Variants in TANC2 observed in about 807,000 individuals in gnomAD.
TANC2 encodes the protein protein TANC2.
TANC2 carries 26 observed loss-of-function variants against 210.5 expected under a neutral mutation model. The observed-to-expected ratio is 0.12, with a 90% CI of 0.09 to 0.17. The LOEUF (loss-of-function observed/expected upper bound fraction) is 0.17. TANC2 is among the 10% of genes least tolerant of loss of function. The pLI, the probability that TANC2 is intolerant of heterozygous loss-of-function variation, is 1.00. For missense variants in TANC2, 2,129 were observed against 2,608.9 expected (o/e 0.82, Z 4.01); for synonymous variants, 931 against 967.1 (o/e 0.96, Z 0.69).
At chr17:63,113,185 G>A (rs1477545454) in intron 4 of TANC2, among the ~76,000 whole-genome samples, 1 of 152,114 alleles carries the variant, frequency 6.6e-6, no homozygotes, top group African/African-American at 2.4e-5. Context: ...TATAGTATGG[G>A]ATAATATAAA....
chr17:63,341,749 A>G (rs1170227510), intron 12 of TANC2, among the ~76,000 whole-genome samples: 6 of 152,226 alleles, frequency 3.9e-5, no homozygotes, highest in African/African-American at 1.4e-4. Flanking sequence ...TCTTCCAGAT[A>G]AAGTTTTATA....
intron 14 of TANC2, among the ~76,000 whole-genome samples, chr17:63,358,743 C>T (rs1038518712): frequency 1.3e-5 from 2 of 152,132 alleles, no homozygotes; most frequent in Non-Finnish European, 2.9e-5. Context: ...AAGTAGTCAT[C>T]GGCCTTTGTT....
intron 8 of TANC2, among the ~76,000 whole-genome samples, chr17:63,241,909 A>G (rs1299782482): frequency 1.3e-5 from 2 of 152,142 alleles, no homozygotes; most frequent in Admixed American, 6.5e-5. Flanking sequence ...AAGAGACAAA[A>G]AAGCTGAAAT....
chr17:63,017,869 C>T (rs546238223), intron 2 of TANC2, among the ~76,000 whole-genome samples: 17 of 152,202 alleles, frequency 1.1e-4, no homozygotes, highest in African/African-American at 3.1e-4. Flanking sequence ...CAGCAGGGCG[C>T]GGTGACTCAC....
At chr17:63,425,445 T>G (rs748914710) in exon 28 of TANC2, 2 of 152,256 alleles carry the variant, frequency 1.3e-5, no homozygotes, top group Non-Finnish European at 2.9e-5. Flanking sequence ...ATTCCAGAGA[T>G]GTACCCAATA....
intron 17 of TANC2, among the ~76,000 whole-genome samples, chr17:63,392,501 G>A (rs1413249154): frequency 6.6e-6 from 1 of 152,116 alleles, no homozygotes; most frequent in Non-Finnish European, 1.5e-5. Flanking sequence ...AAAAGAGCTT[G>A]AGAAGCTACT....
At chr17:63,360,412 G>A (rs1406169586) in intron 14 of TANC2, among the ~76,000 whole-genome samples, 1 of 152,120 alleles carries the variant, frequency 6.6e-6, no homozygotes, top group African/African-American at 2.4e-5. Context: ...ACCCTTAGGA[G>A]GCTTGGAAGA....
intron 11 of TANC2, among the ~76,000 whole-genome samples, chr17:63,325,328 A>G (rs1432471740): frequency 1.3e-5 from 2 of 152,228 alleles, no homozygotes; most frequent in Non-Finnish European, 2.9e-5. Context: ...GTTCCTTGAA[A>G]GTAAAAAGCT....
At chr17:62,972,345 G>A (rs1270570861) in intron 1 of TANC2, among the ~76,000 whole-genome samples, 2 of 152,108 alleles carry the variant, frequency 1.3e-5, no homozygotes, top group African/African-American at 4.8e-5. Flanking sequence ...TTGTGTTAGT[G>A]TTCTATTATG....
chr17:63,325,312 A>AT (rs1408633999), intron 11 of TANC2, among the ~76,000 whole-genome samples: 3 of 152,190 alleles, frequency 2.0e-5, no homozygotes, highest in Non-Finnish European at 4.4e-5. Flanking sequence ...ACTAAAATTG[A>AT]TTTCAGTTCC....
At chr17:63,186,746 C>T (rs1289742018) in intron 5 of TANC2, among the ~76,000 whole-genome samples, 1 of 152,184 alleles carries the variant, frequency 6.6e-6, no homozygotes, top group Non-Finnish European at 1.5e-5. Context: ...TATTCCTCAA[C>T]CAGATTTCTG....
chr17:63,017,541 A>T (rs1163754465), intron 2 of TANC2, among the ~76,000 whole-genome samples: 1 of 152,104 alleles, frequency 6.6e-6, no homozygotes, highest in African/African-American at 2.4e-5. Context: ...TCGTGTCCTG[A>T]GTGTCTTCTA....
chr17:63,300,394 A>G (rs1270909785), intron 9 of TANC2, among the ~76,000 whole-genome samples: 1 of 152,184 alleles, frequency 6.6e-6, no homozygotes, highest in Non-Finnish European at 1.5e-5. Flanking sequence ...TTTTCATGAT[A>G]TTGATTCTTC....
chr17:63,302,571 T>C (rs910052590), intron 9 of TANC2, among the ~76,000 whole-genome samples: 2 of 151,620 alleles, frequency 1.3e-5, no homozygotes, highest in Non-Finnish European at 2.9e-5. Context: ...AAAGTCTGTT[T>C]TGTCAAAGAC....
chr17:63,408,821 A>T (rs1818408358), intron 21 of TANC2, among the ~76,000 whole-genome samples: 1 of 152,222 alleles, frequency 6.6e-6, no homozygotes, highest in Non-Finnish European at 1.5e-5. Flanking sequence ...GGGGCAGCCA[A>T]GTGTCCTGGT....
chr17:63,191,111 G>C (rs1456997413), intron 5 of TANC2, among the ~76,000 whole-genome samples: 1 of 151,616 alleles, frequency 6.6e-6, no homozygotes. Flanking sequence ...AAGTAGAAAT[G>C]AAACAAAAAG....
chr17:63,112,984 T>A (rs780886771), intron 4 of TANC2, among the ~76,000 whole-genome samples: 34 of 152,170 alleles, frequency 2.2e-4, no homozygotes, highest in Non-Finnish European at 4.4e-4. Context: ...ATTGACCTTG[T>A]CCTTCTTTAC....
intron 15 of TANC2, among the ~76,000 whole-genome samples, chr17:63,384,665 G>A (rs998225976): frequency 6.6e-6 from 1 of 152,074 alleles, no homozygotes; most frequent in African/African-American, 2.4e-5. Context: ...CAACAGAAAG[G>A]TAACTGTTAC....
intron 8 of TANC2, among the ~76,000 whole-genome samples, chr17:63,264,729 C>A (rs937498873): frequency 6.6e-6 from 1 of 151,984 alleles, no homozygotes; most frequent in Admixed American, 6.6e-5. Flanking sequence ...ATTGGAGAGG[C>A]ACAGGAAAAG....
Sources: allele counts gnomAD v4.1 joint callset (sites outside exome capture counted in the v4.1 genomes callset), GRCh38; gene constraint gnomAD v4.1.1; transcripts MANE v1.5; gene names NCBI Gene and HGNC (gene_info 2026-07-23, HGNC 2026-07-21).